Variants in SYN3 observed in about 807,000 individuals in gnomAD.
SYN3 encodes the protein synapsin III.
A neutral mutation model predicts 65.8 loss-of-function variants in SYN3; 35 were observed. The observed-to-expected ratio is 0.53, with a 90% CI of 0.41 to 0.70. The LOEUF (loss-of-function observed/expected upper bound fraction) is 0.70. Among genes scored for constraint, SYN3 ranks in the 30% least tolerant of loss-of-function variants. SYN3 has a pLI of 0.00. For synonymous variants in SYN3, 270 were observed against 292.9 expected, an observed-to-expected ratio of 0.92 and a Z score of 0.80; for missense variants, 680 against 749.0, an observed-to-expected ratio of 0.91 and a Z score of 1.08.
intron 6 of SYN3, among the ~76,000 whole-genome samples, chr22:32,794,978 T>C (rs191877270): frequency 1.1e-4 from 16 of 151,950 alleles, no homozygotes; most frequent in Admixed American, 9.8e-4. Context: ...GCAGCATGGG[T>C]TTAGAGAGAT....
intron 12 of SYN3, chr22:32,519,458 T>C (rs1460243056): frequency 1.3e-5 from 2 of 152,176 alleles, no homozygotes; most frequent in African/African-American, 4.8e-5. Flanking sequence ...GAGAGGTCAG[T>C]AGGGAAGATA....
At chr22:32,759,241 T>C (rs2045383647) in intron 6 of SYN3, among the ~76,000 whole-genome samples, 1 of 152,144 alleles carries the variant, frequency 6.6e-6, no homozygotes, top group Non-Finnish European at 1.5e-5. Context: ...CAAATATTCA[T>C]GACATGAAAT....
chr22:32,994,323 AG>A (rs551701088), intron 2 of SYN3, among the ~76,000 whole-genome samples: 194 of 152,204 alleles, frequency 1.3e-3, no homozygotes, highest in African/African-American at 4.4e-3. Context: ...AGGGAGGGGC[AG>A]GGGGTGCAGC....
At chr22:32,885,462 G>C (rs1159363808) in intron 4 of SYN3, among the ~76,000 whole-genome samples, 1 of 152,158 alleles carries the variant, frequency 6.6e-6, no homozygotes, top group Non-Finnish European at 1.5e-5. Context: ...ATGAAAAAGA[G>C]TCTCTTTCTT....
intron 6 of SYN3, among the ~76,000 whole-genome samples, chr22:32,755,822 C>T (rs556833705): frequency 6.6e-6 from 1 of 152,242 alleles, no homozygotes; most frequent in Non-Finnish European, 1.5e-5. Context: ...TCATAGTGAA[C>T]CTACGTACAC....
chr22:32,857,436 G>A (rs1461207030), intron 6 of SYN3: 8 of 1,100,570 alleles, frequency 7.3e-6, no homozygotes, highest in East Asian at 4.7e-5. Context: ...GAACACATAC[G>A]GAGTAGTTGA....
In SYN3 at chr22:32,511,569, C is replaced by T. The variant is rs115104763; in HGVS notation, c.*2123G>A. Among the ~76,000 whole-genome samples the T allele has an allele frequency of 6.6e-6, 1 of 152,180 alleles. No individual in the cohort carries two copies. Among genetic ancestry groups the T allele is most frequent in the Non-Finnish European group, 1.5e-5 (1 of 68,042 alleles). ...CAGACATGCAGGGACTGTCCTATAA[C>T]ATGGAACTCAGCCGAGCATGGAGAC... On this transcript the variant is annotated 3_prime_UTR_variant, in exon 14 of 14. Transcript: ENST00000358763.
At chr22:33,045,459 C>CTTTTTTTTTTTTTT (rs745442160) in intron 1 of SYN3, among the ~76,000 whole-genome samples, 1 of 84,696 alleles carries the variant, frequency 1.2e-5, no homozygotes, top group South Asian at 4.0e-4. Context: ...GCTCTACTTT[C>CTTTTTTTTTTTTTT]TTTTTTTTTT....
intron 4 of SYN3, among the ~76,000 whole-genome samples, chr22:32,881,567 C>T (rs557851075): frequency 3.9e-5 from 6 of 152,298 alleles, no homozygotes; most frequent in African/African-American, 1.2e-4. Context: ...CACCCATCTC[C>T]GCCCCCAGAG....
intron 4 of SYN3, among the ~76,000 whole-genome samples, chr22:32,917,762 T>C (rs1052187641): frequency 5.9e-5 from 9 of 152,184 alleles, no homozygotes; most frequent in Non-Finnish European, 1.0e-4. Flanking sequence ...CCCAGGGGAG[T>C]TGGCAGATCT....
chr22:32,543,415 C>T (rs952581387), intron 7 of SYN3, among the ~76,000 whole-genome samples: 9 of 152,176 alleles, frequency 5.9e-5, no homozygotes, highest in African/African-American at 2.2e-4. Context: ...GCCTGTTCTA[C>T]CACAACGGAC....
chr22:32,987,579 C>T (rs1009323476), intron 2 of SYN3, among the ~76,000 whole-genome samples: 1 of 152,128 alleles, frequency 6.6e-6, no homozygotes, highest in Non-Finnish European at 1.5e-5. Flanking sequence ...AAGGAATGCA[C>T]TAAGAGTGAT....
chr22:32,804,287 C>A (rs1178228143), intron 6 of SYN3, among the ~76,000 whole-genome samples: 1 of 152,152 alleles, frequency 6.6e-6, no homozygotes, highest in Non-Finnish European at 1.5e-5. Flanking sequence ...TGCTTGCCTG[C>A]CGACCTCCCT....
chr22:32,833,069 G>A (rs1601488558), intron 6 of SYN3, among the ~76,000 whole-genome samples: 2 of 152,254 alleles, frequency 1.3e-5, no homozygotes, highest in East Asian at 1.9e-4. Flanking sequence ...AACACTAGAA[G>A]TACTTAAATA....
intron 6 of SYN3, chr22:32,833,757 G>C (rs1266344942): frequency 4.0e-6 from 2 of 496,372 alleles, no homozygotes; most frequent in South Asian, 1.4e-5. Context: ...TACAGGCCTC[G>C]ATTTCTAAAA....
rs565887296 is a variant in SYN3 at position 32,598,734 on chromosome 22, C to T, written c.712-1998G>A. On this transcript the variant is annotated intron_variant, in intron 6 of 13. Transcript: ENST00000358763. Reference sequence around the variant, plus strand: ...CTCCTGACCTCAGGTGATCCGCCTGCCTCAGCCTCCCAAAGTGCTAGGATT... The same window carrying T: ...CTCCTGACCTCAGGTGATCCGCCTGTCTCAGCCTCCCAAAGTGCTAGGATT... Among the ~76,000 whole-genome samples, 16 of 152,252 alleles carry T rather than the reference C, an allele frequency of 1.1e-4. No individual in the cohort carries two copies. The East Asian group carries it at 3.1e-3, about 29-fold the overall frequency.
intron 6 of SYN3, among the ~76,000 whole-genome samples, chr22:32,726,622 C>G (rs1416125125): frequency 6.6e-6 from 1 of 152,136 alleles, no homozygotes; most frequent in Non-Finnish European, 1.5e-5. Context: ...TGTATGAGAG[C>G]TCATGTTTTG....
chr22:32,888,254 A>C (rs566728325), intron 4 of SYN3, among the ~76,000 whole-genome samples: 38 of 152,256 alleles, frequency 2.5e-4, no homozygotes, highest in African/African-American at 8.7e-4. Flanking sequence ...TCTAGATGTT[A>C]TTATTTTTAA....
intron 7 of SYN3, among the ~76,000 whole-genome samples, chr22:32,555,185 C>A (rs1449872129): frequency 2.0e-5 from 3 of 152,112 alleles, no homozygotes; most frequent in Non-Finnish European, 4.4e-5. Flanking sequence ...TGCAATAGCC[C>A]TGAGGTTGAT....
Sources: gnomAD v4.1 joint callset for allele counts (sites outside exome capture counted in the v4.1 genomes callset) on GRCh38, gnomAD v4.1.1 for gene constraint, MANE v1.5 for transcripts, NCBI Gene and HGNC (gene_info 2026-07-23, HGNC 2026-07-21) for gene names.